Variants in FKBP3 observed in about 807,000 individuals in gnomAD.
FKBP3 encodes the protein peptidyl-prolyl cis-trans isomerase FKBP3.
FKBP3 carries 21 observed loss-of-function variants against 30.6 expected under a neutral mutation model. The observed-to-expected ratio is 0.69, with a 90% CI of 0.49 to 0.99. The LOEUF is 0.99. FKBP3 is among the 50% of genes least tolerant of loss of function. The probability of loss-of-function intolerance (pLI) is 0.00; values close to 1 mark genes in which losing one functional copy is unlikely to be tolerated. For synonymous variants in FKBP3, 82 were observed against 91.3 expected (o/e 0.90, Z 0.58); for missense variants, 283 against 261.6 (o/e 1.08, Z -0.56).
At chr14:45,123,474 T>C (rs982648201) in intron 3 of FKBP3, among the ~76,000 whole-genome samples, 1 of 151,976 alleles carries the variant, frequency 6.6e-6, no homozygotes, top group African/African-American at 2.4e-5. Context: ...CCTGTCTCTG[T>C]CTCTGTGGGA....
chr14:45,132,024 T>C (rs973252215), intron 1 of FKBP3, among the ~76,000 whole-genome samples: 3 of 152,248 alleles, frequency 2.0e-5, no homozygotes, highest in African/African-American at 7.2e-5. Flanking sequence ...CTTATTTTAT[T>C]CTGCTTCTTT....
chr14:45,127,079 T>G (rs529513812), intron 3 of FKBP3, among the ~76,000 whole-genome samples: 1 of 151,120 alleles, frequency 6.6e-6, no homozygotes, highest in South Asian at 2.1e-4. Context: ...AGTGCTGGGA[T>G]TACAGGCACC....
At chr14:45,130,448 C>A (rs1885188739) in intron 2 of FKBP3, among the ~76,000 whole-genome samples, 1 of 152,210 alleles carries the variant, frequency 6.6e-6, no homozygotes, top group Non-Finnish European at 1.5e-5. Context: ...TTTATAACTT[C>A]AGTGGACTTA....
rs531085562 is a variant in FKBP3 at position 45,120,815 on chromosome 14, A to AT, written c.522+71dup. ...CCTTTGTATTATATCCCCAAACCTA[A>AT]TTCTTTACAGCACCATACCAGAAGC... On this transcript the variant is annotated intron_variant, in intron 5 of 6. Transcript: ENST00000396062. The AT allele has an allele frequency of 1.1e-4, 144 of 1,256,696 alleles. 2 individuals are homozygous for AT. Among genetic ancestry groups the AT allele is most frequent in the East Asian group, 8.1e-4 (35 of 43,144 alleles). 77.8% of individuals were successfully genotyped at this position (1,256,696 alleles called of 1,614,324 possible).
chr14:45,129,011 A>G (rs1196732472), intron 3 of FKBP3, among the ~76,000 whole-genome samples: 1 of 152,224 alleles, frequency 6.6e-6, no homozygotes, highest in African/African-American at 2.4e-5. Context: ...TGTGCTTTTT[A>G]GCCAATAGGA....
intron 3 of FKBP3, among the ~76,000 whole-genome samples, chr14:45,125,007 C>G (rs1885067252): frequency 6.6e-6 from 1 of 151,284 alleles, no homozygotes; most frequent in African/African-American, 2.4e-5. Flanking sequence ...ACCTCTGTTT[C>G]CCGAGTTCAA....
chr14:45,133,553 T>C (rs764131545), intron 1 of FKBP3: 1 of 155,064 alleles, frequency 6.4e-6, no homozygotes, highest in South Asian at 1.8e-4. Flanking sequence ...ACAAGCAGGC[T>C]GCCGCTTGTA....
chr14:45,115,960 A>T lies in FKBP3; in HGVS notation c.*238T>A. The stretch of plus-strand genomic sequence containing the variant: ...TAAGTTTACAACATGAGGTAAAAGG[A>T]AAAAGTTCTCCTTGACCAGTATTTT... On this transcript the variant is annotated 3_prime_UTR_variant, in exon 7 of 7. Transcript: ENST00000396062. 2.2e-6 allele frequency: 1 copy of T among 447,940 alleles called. No homozygotes were observed. Among genetic ancestry groups the T allele is most frequent in the Non-Finnish European group, 4.1e-6 (1 of 244,730 alleles). 27.7% of individuals were successfully genotyped at this position (447,940 alleles called of 1,614,324 possible).
intron 3 of FKBP3, among the ~76,000 whole-genome samples, chr14:45,126,878 C>T (rs1033075331): frequency 6.6e-6 from 1 of 151,988 alleles, no homozygotes; most frequent in African/African-American, 2.4e-5. Flanking sequence ...TGCAGTGGCG[C>T]AATCTTGGCT....
intron 3 of FKBP3, 113 bp from the exon 4 acceptor site, chr14:45,121,733 G>A: frequency 8.2e-7 from 1 of 1,221,084 alleles, no homozygotes; most frequent in Non-Finnish European, 1.1e-6. Flanking sequence ...TGATGGATTT[G>A]GTAATAAATA....
chr14:45,121,984 T>TC (rs1217474148), intron 3 of FKBP3, among the ~76,000 whole-genome samples: 3 of 152,000 alleles, frequency 2.0e-5, no homozygotes, highest in Non-Finnish European at 4.4e-5. Flanking sequence ...GATGGTGACT[T>TC]CCCCCCCACA....
chr14:45,130,931 A>G (rs1489625623), intron 1 of FKBP3, 131 bp from the exon 2 acceptor site: 1 of 537,450 alleles, frequency 1.9e-6, no homozygotes, highest in Non-Finnish European at 3.3e-6. Context: ...AATAAAGCCT[A>G]TAGTTTATAC....
At chr14:45,119,718 T>C (rs1454839623) in intron 5 of FKBP3, among the ~76,000 whole-genome samples, 2 of 150,918 alleles carry the variant, frequency 1.3e-5, no homozygotes, top group African/African-American at 4.9e-5. Context: ...GATGGAGTCT[T>C]GCTCTGTTGC....
At chr14:45,123,228 T>C (rs1176435355) in intron 3 of FKBP3, among the ~76,000 whole-genome samples, 2 of 151,668 alleles carry the variant, frequency 1.3e-5, no homozygotes, top group Non-Finnish European at 2.9e-5. Context: ...GTCTACCTCT[T>C]GGGCAAAAGA....
intron 2 of FKBP3, 44 bp downstream of exon 2, chr14:45,130,655 A>T (rs770745251): frequency 3.9e-5 from 46 of 1,183,688 alleles, no homozygotes; most frequent in Non-Finnish European, 5.6e-5. Flanking sequence ...TGGAAATAAA[A>T]TTTCAAAAGT....
intron 5 of FKBP3, among the ~76,000 whole-genome samples, chr14:45,120,278 A>G (rs1884955684): frequency 6.6e-6 from 1 of 152,190 alleles, no homozygotes; most frequent in Admixed American, 6.5e-5. Context: ...TCTTTTGTAC[A>G]GTATAATGGT....
Position 45,129,800 on chromosome 14 carries a change from C to A in FKBP3, c.312G>T (p.Leu104=). 6.3e-7 allele frequency: 1 copy of A among 1,593,710 alleles called. No homozygotes were observed. The highest frequency in any genetic ancestry group is 1.1e-5 in the South Asian group (1 of 89,660). The change falls in exon 3 of 7, where the codon CTG becomes CTT. Residue 104 remains leucine, a synonymous_variant. Coordinates refer to ENST00000396062, the MANE Select transcript of FKBP3 (RefSeq NM_002013.4). ...AAAATAATTATATACAGACCTCATC[C>A]AGGGTCTCTTCAGACTTGGTTTCTT... is the stretch of plus-strand genomic sequence containing the variant. ...KPKETKSEET[L]DEGPPKYTKS...
chr14:45,126,117 C>G (rs980304990), intron 3 of FKBP3, among the ~76,000 whole-genome samples: 1 of 151,612 alleles, frequency 6.6e-6, no homozygotes, highest in African/African-American at 2.4e-5. Flanking sequence ...TCTTGAACTC[C>G]TGGGCTCAAG....
At position 45,129,791 on chromosome 14, in the gene FKBP3, G is replaced by A; in HGVS notation, c.318+3C>T. 1 of 1,556,300 alleles carries A rather than the reference G, an allele frequency of 6.4e-7. No individual in the cohort carries two copies. Among genetic ancestry groups the A allele is most frequent in the Non-Finnish European group, 8.8e-7 (1 of 1,136,804 alleles). The stretch of plus-strand genomic sequence containing the variant: ...TAAAATAAAAAAATAATTATATACA[G>A]ACCTCATCCAGGGTCTCTTCAGACT... On this transcript the variant is annotated splice_donor_region_variant and intron_variant, in intron 3 of 6. Coordinates refer to ENST00000396062, the MANE Select transcript of FKBP3 (RefSeq NM_002013.4).
Sources: allele counts gnomAD v4.1 joint callset (sites outside exome capture counted in the v4.1 genomes callset), GRCh38; gene constraint gnomAD v4.1.1; transcripts MANE v1.5; gene names NCBI Gene and HGNC (gene_info 2026-07-23, HGNC 2026-07-21).